MAGI2: variants seen among roughly 807,000 people sequenced by gnomAD.
MAGI2 encodes the protein membrane-associated guanylate kinase, WW and PDZ domain-containing protein 2.
A neutral mutation model predicts 133.3 loss-of-function variants in MAGI2; 35 were observed. The ratio of observed to expected loss-of-function variants is 0.26; its 90% confidence interval spans 0.20 to 0.35. MAGI2 has a LOEUF of 0.35. Among genes scored for constraint, MAGI2 ranks in the 10% least tolerant of loss-of-function variants. The probability of loss-of-function intolerance (pLI) is 1.00; values close to 1 mark genes in which losing one functional copy is unlikely to be tolerated. For synonymous variants in MAGI2, 729 were observed against 710.6 expected (o/e 1.03, Z -0.41); for missense variants, 1,636 against 1,863.4 (o/e 0.88, Z 2.25).
intron 1 of MAGI2, chr7:79,124,989 C>T: frequency 3.8e-6 from 1 of 261,842 alleles, no homozygotes; most frequent in Non-Finnish European, 7.5e-6. Context: ...GTTGTGGAAG[C>T]AAAGAGGGCC....
At chr7:78,533,117 A>AT in intron 3 of MAGI2, among the ~76,000 whole-genome samples, 1 of 152,186 alleles carries the variant, frequency 6.6e-6, no homozygotes, top group East Asian at 1.9e-4. Flanking sequence ...AATTTTTTGT[A>AT]TTTTTAGTAG....
intron 2 of MAGI2, among the ~76,000 whole-genome samples, chr7:78,808,724 A>AG (rs1788792959): frequency 6.6e-6 from 1 of 152,230 alleles, no homozygotes; most frequent in Non-Finnish European, 1.5e-5. Flanking sequence ...TGAGTTAAGG[A>AG]GGATTAATTC....
intron 1 of MAGI2, among the ~76,000 whole-genome samples, chr7:79,329,350 G>A (rs775129203): frequency 7.2e-5 from 11 of 152,242 alleles, no homozygotes; most frequent in African/African-American, 1.4e-4. Context: ...ATTGTAACAC[G>A]TAATAATTTG....
intron 1 of MAGI2, among the ~76,000 whole-genome samples, chr7:79,072,677 A>G (rs186161499): frequency 6.8e-4 from 103 of 152,354 alleles, no homozygotes; most frequent in African/African-American, 2.3e-3. Context: ...AGGAGCAAAT[A>G]AGAACAGTAT....
intron 16 of MAGI2, among the ~76,000 whole-genome samples, chr7:78,149,857 C>G (rs1169072953): frequency 6.6e-6 from 1 of 152,126 alleles, no homozygotes. Context: ...CAAACCCTTG[C>G]CTGGCTTAGA....
At chr7:79,162,954 C>T (rs1421688987) in intron 1 of MAGI2, among the ~76,000 whole-genome samples, 4 of 151,958 alleles carry the variant, frequency 2.6e-5, no homozygotes, top group African/African-American at 9.7e-5. Context: ...CCATTCCTAT[C>T]TGGCCTAGAA....
chr7:79,028,231 G>GTATGTATATATATATATA (rs1810110989), intron 1 of MAGI2, among the ~76,000 whole-genome samples: 1 of 30,880 alleles, frequency 3.2e-5, no homozygotes, highest in African/African-American at 1.1e-4. Flanking sequence ...ATATATATAT[G>GTATGTATATATATATATA]TATGTATATA....
At chr7:79,374,853 C>T (rs922730428) in intron 1 of MAGI2, among the ~76,000 whole-genome samples, 2 of 151,906 alleles carry the variant, frequency 1.3e-5, no homozygotes, top group African/African-American at 4.8e-5. Flanking sequence ...TCTTTTGAAG[C>T]TCCCTCTTTG....
intron 9 of MAGI2, among the ~76,000 whole-genome samples, chr7:78,342,631 A>G (rs1790509107): frequency 6.6e-6 from 1 of 152,242 alleles, no homozygotes; most frequent in Non-Finnish European, 1.5e-5. Context: ...ATGCAGCCAT[A>G]AAAAGGGATG....
At chr7:78,262,353 G>A (rs1352553248) in intron 9 of MAGI2, among the ~76,000 whole-genome samples, 1 of 152,088 alleles carries the variant, frequency 6.6e-6, no homozygotes, top group African/African-American at 2.4e-5. Context: ...TTCAGACAAC[G>A]TCTTTCTCAA....
intron 10 of MAGI2, among the ~76,000 whole-genome samples, chr7:78,242,719 T>C (rs1164022023): frequency 1.3e-5 from 2 of 152,198 alleles, no homozygotes; most frequent in African/African-American, 4.8e-5. Context: ...ATAGCTTAAA[T>C]CTGTTTTGAT....
At position 79,267,747 on chromosome 7, in the gene MAGI2, G is replaced by A. The variant is rs117771428; in HGVS notation, c.301+185273C>T. ...AAGACATAGAAAGTTATTAATGTGC[G>A]TAAGCATGGGAATCATACAAAATTT... On this transcript the variant is annotated intron_variant, in intron 1 of 21. Transcript: ENST00000354212. 4.2e-4 allele frequency among the ~76,000 whole-genome samples: 64 copies of A among 152,258 alleles called. No individual in the cohort carries two copies. In the East Asian group the frequency reaches 0.011, roughly 27 times the overall value.
intron 1 of MAGI2, among the ~76,000 whole-genome samples, chr7:79,297,827 C>T (rs987813052): frequency 3.9e-5 from 6 of 152,174 alleles, no homozygotes; most frequent in Admixed American, 1.3e-4. Context: ...GTGGAAAGGA[C>T]AGTTTTGAAG....
chr7:78,998,567 T>G (rs1806545165), intron 2 of MAGI2, among the ~76,000 whole-genome samples: 1 of 152,190 alleles, frequency 6.6e-6, no homozygotes, highest in Non-Finnish European at 1.5e-5. Context: ...CCAAGGGTAG[T>G]TGCTTCTTAC....
At chr7:78,351,487 G>T (rs1310891724) in intron 7 of MAGI2, among the ~76,000 whole-genome samples, 1 of 151,912 alleles carries the variant, frequency 6.6e-6, no homozygotes, top group Non-Finnish European at 1.5e-5. Flanking sequence ...TCAGCATTGA[G>T]AGAGGGAGTG....
chr7:78,931,109 C>T (rs1168726820), intron 2 of MAGI2, among the ~76,000 whole-genome samples: 1 of 152,072 alleles, frequency 6.6e-6, no homozygotes, highest in Non-Finnish European at 1.5e-5. Context: ...AAACCAAACA[C>T]AGAAATAAAG....
intron 16 of MAGI2, among the ~76,000 whole-genome samples, chr7:78,158,623 T>C (rs558471216): frequency 6.6e-6 from 1 of 152,286 alleles, no homozygotes; most frequent in African/African-American, 2.4e-5. Context: ...AATCTTTAAG[T>C]CGTCCTTGTT....
chr7:78,639,694 T>G (rs1269406707), intron 2 of MAGI2, among the ~76,000 whole-genome samples: 1 of 152,172 alleles, frequency 6.6e-6, no homozygotes, highest in African/African-American at 2.4e-5. Context: ...GACAGCCCCT[T>G]AATTCCAAAA....
chr7:79,216,121 G>A (rs1830020538), intron 1 of MAGI2, among the ~76,000 whole-genome samples: 2 of 151,902 alleles, frequency 1.3e-5, no homozygotes, highest in South Asian at 2.1e-4. Context: ...TCCATAAGCA[G>A]ATGGGCAGGT....
Sources: gnomAD v4.1 joint callset for allele counts (sites outside exome capture counted in the v4.1 genomes callset) on GRCh38, gnomAD v4.1.1 for gene constraint, MANE v1.5 for transcripts, NCBI Gene and HGNC (gene_info 2026-07-23, HGNC 2026-07-21) for gene names.